The following HDAC9 variants were observed in gnomAD, a reference collection of about 807,000 sequenced individuals.
HDAC9 encodes histone deacetylase 9.
HDAC9 carries 41 observed loss-of-function variants against 139.4 expected under a neutral mutation model. That is an observed-to-expected ratio of 0.29 (90% CI 0.23 to 0.38). The LOEUF (loss-of-function observed/expected upper bound fraction) is 0.38. HDAC9 is among the 10% of genes least tolerant of loss of function. The pLI is 1.00. For missense variants in HDAC9, 1,147 were observed against 1,297.0 expected (o/e 0.88, Z 1.78); for synonymous variants, 517 against 476.2 (o/e 1.09, Z -1.12).
chr7:18,261,859 A>G (rs1389364088), intron 2 of HDAC9, among the ~76,000 whole-genome samples: 1 of 152,240 alleles, frequency 6.6e-6, no homozygotes, highest in Admixed American at 6.5e-5. Context: ...TACTTGTCCT[A>G]AACATAAAAT....
chr7:18,176,123 G>A (rs1308573791), intron 2 of HDAC9, among the ~76,000 whole-genome samples: 1 of 152,096 alleles, frequency 6.6e-6, no homozygotes, highest in Admixed American at 6.5e-5. Flanking sequence ...ATGTCAAAAT[G>A]ACATTATTCA....
upstream of HDAC9, chr7:18,086,903 C>CGCGGCGGCGGCGGCGGCG: frequency 6.9e-6 from 1 of 144,552 alleles, no homozygotes; most frequent in East Asian, 2.0e-4. Flanking sequence ...GCCCCCCCCG[C>CGCGGCGGCGGCGGCGGCG]GCGGCGGCGG....
chr7:18,105,037 A>G (rs1328539435), intron 1 of HDAC9, among the ~76,000 whole-genome samples: 1 of 151,266 alleles, frequency 6.6e-6, no homozygotes. Context: ...TCTAAAATGA[A>G]ATTTTAATAT....
At chr7:18,992,890 G>C (rs567256581) in intron 25 of HDAC9, among the ~76,000 whole-genome samples, 136 of 152,240 alleles carry the variant, frequency 8.9e-4, no homozygotes, top group African/African-American at 3.3e-3. Flanking sequence ...ATCTTTGCTG[G>C]GTTGATTTTA....
chr7:18,972,369 C>CTTT lies in HDAC9; in HGVS notation c.3023-3410_3023-3408dup, dbSNP rs199909134. ...TTAGCTCAATTTTCGATGAACTTCT[C>CTTT]TTTTTTTTTTTTTTTTTTTTTTTTT... On this transcript the variant is annotated intron_variant, in intron 24 of 25. Transcript: ENST00000686413. Among the ~76,000 whole-genome samples, 110 of 94,886 alleles carry CTTT rather than the reference C, an allele frequency of 1.2e-3. 3 individuals carry two copies. The highest frequency in any genetic ancestry group is 1.8e-3 in the African/African-American group (47 of 26,144). 62.2% of individuals were successfully genotyped at this position (94,886 alleles called of 152,430 possible).
chr7:18,279,553 C>T (rs1293731231), intron 2 of HDAC9, among the ~76,000 whole-genome samples: 2 of 151,860 alleles, frequency 1.3e-5, no homozygotes, highest in Non-Finnish European at 2.9e-5. Context: ...GCAACCTCTG[C>T]CTCCCGGGTT....
intron 22 of HDAC9, among the ~76,000 whole-genome samples, chr7:18,901,222 A>ATG (rs1801684624): frequency 9.5e-6 from 1 of 105,416 alleles, no homozygotes; most frequent in Non-Finnish European, 1.8e-5. Context: ...ATATATATAT[A>ATG]CACACACACA....
At chr7:18,182,279 CT>C (rs1273470541) in intron 2 of HDAC9, among the ~76,000 whole-genome samples, 1 of 152,170 alleles carries the variant, frequency 6.6e-6, no homozygotes, top group African/African-American at 2.4e-5. Context: ...TTGATATATA[CT>C]TTTTAAAAAT....
intron 21 of HDAC9, among the ~76,000 whole-genome samples, chr7:18,860,298 T>C (rs1186630011): frequency 6.6e-6 from 1 of 152,158 alleles, no homozygotes; most frequent in African/African-American, 2.4e-5. Flanking sequence ...AAATCAGCCT[T>C]TCCAAATTTT....
At chr7:18,574,709 G>C (rs186190040) in intron 2 of HDAC9, among the ~76,000 whole-genome samples, 1 of 152,356 alleles carries the variant, frequency 6.6e-6, no homozygotes, top group Admixed American at 6.5e-5. Context: ...AGGCCAAGAC[G>C]ACAGGGGGCT....
At chr7:18,645,092 G>T (rs1786955273) in intron 9 of HDAC9, among the ~76,000 whole-genome samples, 1 of 152,092 alleles carries the variant, frequency 6.6e-6, no homozygotes, top group Non-Finnish European at 1.5e-5. Flanking sequence ...CAGCCATCCT[G>T]TGAAACAGAG....
intron 1 of HDAC9, among the ~76,000 whole-genome samples, chr7:18,301,029 C>T (rs780734991): frequency 4.6e-5 from 7 of 152,010 alleles, no homozygotes; most frequent in Non-Finnish European, 5.9e-5. Flanking sequence ...TTCTTCAAAA[C>T]TGAAGTTAAG....
chr7:18,517,291 G>C (rs1042188723), intron 2 of HDAC9, among the ~76,000 whole-genome samples: 1 of 152,086 alleles, frequency 6.6e-6, no homozygotes, highest in Admixed American at 6.6e-5. Flanking sequence ...TCTTACAAAC[G>C]ATAAAAGTTC....
intron 9 of HDAC9, 108 bp from the exon 10 acceptor site, chr7:18,647,677 G>T (rs1787874598): frequency 1.1e-6 from 1 of 873,300 alleles, no homozygotes. Flanking sequence ...GTAAGATGGG[G>T]CTTTTGTTTT....
At chr7:18,564,741 T>G (rs1821730970) in intron 2 of HDAC9, among the ~76,000 whole-genome samples, 1 of 152,124 alleles carries the variant, frequency 6.6e-6, no homozygotes, top group African/African-American at 2.4e-5. Context: ...TAGATTTTAT[T>G]GAAACACTAT....
chr7:18,545,936 A>G (rs768170944), intron 2 of HDAC9, among the ~76,000 whole-genome samples: 5 of 152,246 alleles, frequency 3.3e-5, no homozygotes, highest in African/African-American at 7.2e-5. Flanking sequence ...GTGAATCTCT[A>G]GACTAAAATT....
chr7:18,293,376 G>A (rs189796537), intron 1 of HDAC9, among the ~76,000 whole-genome samples: 155 of 151,742 alleles, frequency 1.0e-3, no homozygotes, highest in Non-Finnish European at 1.6e-3. Flanking sequence ...GTTATATATG[G>A]AACCCATCAT....
rs559850705 is a variant in HDAC9, at chr7:18,898,645, A to G, written c.2803+24049A>G. On this transcript the variant is annotated intron_variant, in intron 22 of 25. Coordinates refer to ENST00000686413, the MANE Select transcript of HDAC9 (RefSeq NM_178425.4). ...GAGAAAGGGTGTTTACTGTATATAT[A>G]TCTACTTACTTATCTATCCATTGAT... 6.2e-4 allele frequency among the ~76,000 whole-genome samples: 95 copies of G among 152,002 alleles called. 3 individuals are homozygous for G. In the South Asian group the frequency reaches 0.019, roughly 31 times the overall value.
intron 22 of HDAC9, 32 bp downstream of exon 22, chr7:18,874,628 C>G (rs2286213): frequency 0.37 from 468,898 of 1,256,548 alleles, 89,576 homozygotes; most frequent in South Asian, 0.51. Flanking sequence ...TTACGAAAGG[C>G]TCTGATATCA....
Sources: gnomAD v4.1 joint callset for allele counts (sites outside exome capture counted in the v4.1 genomes callset) on GRCh38, gnomAD v4.1.1 for gene constraint, MANE v1.5 for transcripts, NCBI Gene and HGNC (gene_info 2026-07-23, HGNC 2026-07-21) for gene names.